HIVEP1: variants seen among roughly 807,000 people sequenced by gnomAD.
The protein encoded by HIVEP1 is zinc finger protein 40.
A neutral mutation model predicts 180.0 loss-of-function variants in HIVEP1; 36 were observed. That is an observed-to-expected ratio of 0.20 (90% CI 0.15 to 0.26). HIVEP1 has a LOEUF of 0.26. Ranked by LOEUF, HIVEP1 falls within the 10% of genes least tolerant of loss-of-function variation. The pLI is 1.00. For synonymous variants in HIVEP1, 1,239 were observed against 1,239.0 expected (o/e 1.00, Z 0.00); for missense variants, 3,143 against 3,268.7 (o/e 0.96, Z 0.94).
At chr6:12,209,594 G>C in the HIVEP1 span, among the ~76,000 whole-genome samples, 1 of 152,186 alleles carries the variant, frequency 6.6e-6, no homozygotes, top group Non-Finnish European at 1.5e-5. Flanking sequence ...AGTAGGGATA[G>C]TACAGGACAT....
intron 7 of HIVEP1, among the ~76,000 whole-genome samples, chr6:12,160,352 T>C (rs1011560283): frequency 2.6e-5 from 4 of 152,202 alleles, no homozygotes; most frequent in Non-Finnish European, 5.9e-5. Flanking sequence ...CTATGAGGAA[T>C]GGGTTGAATC....
At chr6:12,150,631 G>A (rs1186911334) in intron 7 of HIVEP1, among the ~76,000 whole-genome samples, 1 of 152,102 alleles carries the variant, frequency 6.6e-6, no homozygotes, top group African/African-American at 2.4e-5. Flanking sequence ...TCCATGTGTA[G>A]AATATGAAAC....
At chr6:12,026,032 C>T (rs1768561876) in intron 2 of HIVEP1, among the ~76,000 whole-genome samples, 1 of 147,954 alleles carries the variant, frequency 6.8e-6, no homozygotes, top group Non-Finnish European at 1.5e-5. Flanking sequence ...AAGAGTGAAA[C>T]CCCATATCAA....
At chr6:12,190,474 G>C in the HIVEP1 span, among the ~76,000 whole-genome samples, 3 of 152,088 alleles carry the variant, frequency 2.0e-5, no homozygotes, top group African/African-American at 4.8e-5. Context: ...CCTTGCACAA[G>C]TCAGTTTTGC....
At chr6:12,167,192 C>G (rs2113705002), downstream of HIVEP1, among the ~76,000 whole-genome samples, 1 of 151,644 alleles carries the variant, frequency 6.6e-6, no homozygotes, top group African/African-American at 2.4e-5. Flanking sequence ...CTAATTAATC[C>G]CTGGCCTGAA....
At chr6:12,098,683 A>G (rs114831210) in intron 3 of HIVEP1, among the ~76,000 whole-genome samples, 1,607 of 152,348 alleles carry the variant, frequency 0.011, 30 homozygotes, top group African/African-American at 0.036. Context: ...GAAGAATATA[A>G]TTTGAGGGCA....
rs572225456 is a variant in HIVEP1 at position 12,151,169 on chromosome 6, A to G, written c.6488-10270A>G. 2.6e-5 allele frequency among the ~76,000 whole-genome samples: 4 copies of G among 152,298 alleles called. No homozygotes were observed. The South Asian group carries it at 8.3e-4, about 32-fold the overall frequency. On this transcript the variant is annotated intron_variant, in intron 7 of 8. Transcript: ENST00000379388. The stretch of plus-strand genomic sequence containing the variant: ...AAAATGTTGCTACATCATATGCCTG[A>G]TTTTTCCCTCATGAATTGAAATTCA...
intron 2 of HIVEP1, among the ~76,000 whole-genome samples, chr6:12,073,616 C>G (rs1280243218): frequency 6.6e-6 from 1 of 152,194 alleles, no homozygotes. Context: ...AGGGTCAACA[C>G]ATCTAGTTTC....
At chr6:12,173,919 C>T in the HIVEP1 span, among the ~76,000 whole-genome samples, 2 of 152,156 alleles carry the variant, frequency 1.3e-5, no homozygotes. Context: ...GCTTAGTTTT[C>T]TCTGCTAATA....
chr6:12,116,556 A>G (rs1775225923), intron 3 of HIVEP1, among the ~76,000 whole-genome samples: 1 of 152,104 alleles, frequency 6.6e-6, no homozygotes, highest in Admixed American at 6.6e-5. Context: ...ATAAAAAAAA[A>G]AGTCCTTGAA....
In HIVEP1 at chr6:12,135,040, CA is replaced by C. The variant is rs1167479963; in HGVS notation, c.6386-744del. Among the ~76,000 whole-genome samples, 2 of 152,152 alleles carry C rather than the reference CA, an allele frequency of 1.3e-5. 1 individual carries two copies. Among genetic ancestry groups the C allele is most frequent in the Middle Eastern group, 6.8e-3 (2 of 294 alleles). On this transcript the variant is annotated intron_variant, in intron 6 of 8. Transcript: ENST00000379388. ...AGCTAACATGGTGAACAGATACTAACAAAAAAATTAAAAGGCCTTATGGGAA... is the reference window on the plus strand; with the variant it reads ...AGCTAACATGGTGAACAGATACTAACAAAAAATTAAAAGGCCTTATGGGAA...
intron 2 of HIVEP1, among the ~76,000 whole-genome samples, chr6:12,017,885 T>G (rs1006279022): frequency 6.6e-5 from 10 of 152,234 alleles, no homozygotes; most frequent in Admixed American, 2.6e-4. Flanking sequence ...GATCCCGCAC[T>G]GGGGCCACAG....
intron 4 of HIVEP1, among the ~76,000 whole-genome samples, chr6:12,126,589 A>C (rs1758082681): frequency 6.6e-6 from 1 of 152,230 alleles, no homozygotes; most frequent in Non-Finnish European, 1.5e-5. Context: ...TAAGCATATC[A>C]CGTTCGACTC....
chr6:12,007,894 A>G (rs1474596833), upstream of HIVEP1: 3 of 151,632 alleles, frequency 2.0e-5, no homozygotes, highest in East Asian at 5.8e-4. Context: ...CCCTCTAGGT[A>G]TTTTTCCATG....
intron 3 of HIVEP1, among the ~76,000 whole-genome samples, chr6:12,103,184 G>GTAATAATAATAA (rs60181903): frequency 0.053 from 7,894 of 147,606 alleles, 306 homozygotes; most frequent in East Asian, 0.22. Context: ...TGTTGATTAT[G>GTAATAATAATAA]TAATAATAAT....
chr6:12,053,513 G>A (rs1347159693), intron 2 of HIVEP1, among the ~76,000 whole-genome samples: 1 of 151,926 alleles, frequency 6.6e-6, no homozygotes, highest in Non-Finnish European at 1.5e-5. Context: ...ACATAAATAG[G>A]TACCTGTGAG....
chr6:12,142,808 C>T (rs987564952), intron 7 of HIVEP1, among the ~76,000 whole-genome samples: 3 of 152,188 alleles, frequency 2.0e-5, no homozygotes, highest in Admixed American at 2.0e-4. Flanking sequence ...TTCCTGGACA[C>T]ATACACCCTC....
In HIVEP1 at chr6:12,079,272, T is replaced by A. The variant is rs574552337; in HGVS notation, c.41-9912T>A. ...AATAGTTTATATATTTAAATAGTTT[T>A]TGTATCTTCAAGCATTAAATTTTCA... On this transcript the variant is annotated intron_variant, in intron 2 of 8. Coordinates refer to ENST00000379388, the MANE Select transcript of HIVEP1 (RefSeq NM_002114.4). Among the ~76,000 whole-genome samples, 8 of 152,302 alleles carry A rather than the reference T, an allele frequency of 5.3e-5. No homozygotes were observed. The East Asian group carries it at 1.5e-3, about 29-fold the overall frequency.
At chr6:12,193,798 G>A in the HIVEP1 span, among the ~76,000 whole-genome samples, 1 of 152,176 alleles carries the variant, frequency 6.6e-6, no homozygotes, top group Non-Finnish European at 1.5e-5. Context: ...TTATGAGAAA[G>A]AGACGAAGCA....
Sources: allele counts gnomAD v4.1 joint callset (sites outside exome capture counted in the v4.1 genomes callset), GRCh38; gene constraint gnomAD v4.1.1; transcripts MANE v1.5; gene names NCBI Gene and HGNC (gene_info 2026-07-23, HGNC 2026-07-21).